Variants in SEMA4G observed in about 807,000 individuals in gnomAD.
SEMA4G encodes semaphorin-4G.
In SEMA4G, 59 loss-of-function variants were observed where a neutral mutation model predicts 81.2. That is an observed-to-expected ratio of 0.73 (90% confidence interval 0.59 to 0.90). The LOEUF is 0.90. Ranked by LOEUF, SEMA4G falls within the 40% of genes least tolerant of loss-of-function variation. SEMA4G has a pLI of 0.00. For synonymous variants in SEMA4G, 404 were observed against 433.9 expected (o/e 0.93, Z 0.86); for missense variants, 952 against 1,102.3 (o/e 0.86, Z 1.93).
chr10:100,973,663 G>A lies in SEMA4G; in HGVS notation c.336+54G>A. ...TTTCCTCCCCTTCTTCCTCAATCAG[G>A]GATGCCAGGATTGTTGGGGACACAG... On this transcript the variant is annotated intron_variant, in intron 3 of 13. Coordinates refer to ENST00000370250, the Ensembl canonical transcript of SEMA4G. The surrounding 1 kb of genome is among the most constrained non-coding windows in gnomAD (Gnocchi z 5.5). 6.5e-7 allele frequency: 1 copy of A among 1,536,758 alleles called. No homozygotes were observed. The highest frequency in any genetic ancestry group is 9.0e-7 in the Non-Finnish European group (1 of 1,115,000).
At chr10:100,975,148 T>C in intron 3 of SEMA4G, 1 of 452,868 alleles carries the variant, frequency 2.2e-6, no homozygotes, top group South Asian at 1.7e-5. Context: ...AGCTGGGAGT[T>C]TGGGTTTTAT....
chr10:100,983,731 G>A (rs1326312908), exon 14 of SEMA4G: 3 of 1,613,444 alleles, frequency 1.9e-6, no homozygotes, highest in South Asian at 2.2e-5. Context: ...GAAGGCAGAC[G>A]AGGGCGCCGA....
At chr10:100,969,925 GT>G (rs1029087061), upstream of SEMA4G, 3 of 455,062 alleles carry the variant, frequency 6.6e-6, no homozygotes, top group African/African-American at 4.0e-5. Flanking sequence ...AGAGACTGAG[GT>G]TAGACCTGAC....
rs748404181 is a variant in SEMA4G at position 100,978,637 on chromosome 10, A to C, written c.640A>C (p.Asn214His). Residue 214 changes from asparagine (N) to histidine (H), a missense_variant, in exon 6 of 14, where the codon AAT becomes CAT. Asn to His is a moderately conservative substitution (Grantham distance 68). This residue lies in a region of SEMA4G where 436 missense variants were observed against 488.2 expected (regional missense o/e 0.89). Transcript: ENST00000370250. The stretch of plus-strand genomic sequence containing the variant: ...TGAGGAGACACCAATGCATTGGCTC[A>C]ATGGTTAGGAGGATGAGGCACAGGA... The C allele has an allele frequency of 3.7e-6, 6 of 1,613,034 alleles. No individual in the cohort carries two copies. The Admixed American group carries it at 6.7e-5, about 18-fold the overall frequency.
chr10:100,983,697 C>T lies in SEMA4G; in HGVS notation c.2083C>T (p.Leu695Phe), dbSNP rs144937502. The change falls in exon 14 of 14, where the codon CTC (leucine) becomes TTC (phenylalanine). Residue 695 changes from leucine to phenylalanine, a missense_variant. Physicochemically the swap from Leu to Phe is conservative, Grantham distance 22. Coordinates refer to ENST00000370250, the Ensembl canonical transcript of SEMA4G. ...CCTCTGCCTCATCCTGGCCTCCTCCCTCCTCTATGTGGCCTGTCTGCGGGA... is the reference window on the plus strand; with the variant it reads ...CCTCTGCCTCATCCTGGCCTCCTCCTTCCTCTATGTGGCCTGTCTGCGGGA... The T allele has an allele frequency of 4.3e-6, 7 of 1,613,496 alleles. No homozygotes were observed. In the African/African-American group the frequency reaches 9.3e-5, roughly 22 times the overall value.
upstream of SEMA4G, among the ~76,000 whole-genome samples, chr10:100,971,710 G>T (rs1850637285): frequency 6.6e-6 from 1 of 152,158 alleles, no homozygotes; most frequent in Non-Finnish European, 1.5e-5. Context: ...TGTTACAGGG[G>T]TTGGGAGAGG....
chr10:100,978,546 C>A, exon 6 of SEMA4G: 1 of 1,614,106 alleles, frequency 6.2e-7, no homozygotes. Flanking sequence ...TCTACACAGC[C>A]ACTAGGTATG....
At chr10:100,970,935 A>T (rs894684951), upstream of SEMA4G, among the ~76,000 whole-genome samples, 1 of 152,222 alleles carries the variant, frequency 6.6e-6, no homozygotes, top group South Asian at 2.1e-4. Context: ...TCTCTCCTCA[A>T]TGTCTGAGGC....
At chr10:100,974,818 T>C (rs1332960542) in intron 3 of SEMA4G, among the ~76,000 whole-genome samples, 1 of 152,018 alleles carries the variant, frequency 6.6e-6, no homozygotes, top group Non-Finnish European at 1.5e-5. Flanking sequence ...TTTTACAAAA[T>C]AAACGGCCCT....
rs763219828 is a variant in SEMA4G, at chr10:100,983,425, G to A, written c.1811G>A (p.Ser604Asn). 4 of 1,613,572 alleles carry A rather than the reference G, an allele frequency of 2.5e-6. No homozygotes were observed. The South Asian group carries it at 3.3e-5, about 13-fold the overall frequency. Reference sequence around the variant, plus strand: ...CTACTCAATGGGAGCATGGGCCTGAGCGATGGGCAGGGTGGCTACCGTGTG... The same window carrying A: ...CTACTCAATGGGAGCATGGGCCTGAACGATGGGCAGGGTGGCTACCGTGTG... Residue 604 changes from serine to asparagine, a missense_variant, in exon 14 of 14, where the codon AGC becomes AAC. Around this residue, in one of 3 missense-constraint regions of SEMA4G, gnomAD observed 385 missense variants for 413.5 expected, o/e 0.93. Transcript: ENST00000370250.
chr10:100,978,248 CCCTG>C (rs1385862368), intron 4 of SEMA4G, 43 bp from the exon 6 acceptor site: 1 of 1,441,940 alleles, frequency 6.9e-7, no homozygotes, highest in South Asian at 1.2e-5. Context: ...GAGCCACTGT[CCCTG>C]CCTGTCTTCG....
At chr10:100,985,050 G>A, downstream of SEMA4G, 2 of 795,300 alleles carry the variant, frequency 2.5e-6, no homozygotes, top group Admixed American at 3.2e-5. Context: ...TTCAGAGGGA[G>A]ATCCCCCTCC....
At chr10:100,981,800 G>A (rs1249978595) in intron 13 of SEMA4G, among the ~76,000 whole-genome samples, 4 of 152,182 alleles carry the variant, frequency 2.6e-5, no homozygotes, top group African/African-American at 7.2e-5. Context: ...GCTCACGCCT[G>A]TAATCCCAGC....
chr10:100,977,712 G>A (rs1850861780), exon 4 of SEMA4G: 1 of 1,613,780 alleles, frequency 6.2e-7, no homozygotes, highest in Admixed American at 1.7e-5. Context: ...ACGCCTTCCA[G>A]CCCCTCTGTG....
chr10:100,978,000 T>C, intron 4 of SEMA4G: 1 of 571,146 alleles, frequency 1.8e-6, no homozygotes. Flanking sequence ...ACAAAGGGCC[T>C]TGATCCCCTG....
chr10:100,973,824 G>A lies in SEMA4G; in HGVS notation c.336+215G>A, dbSNP rs1442514916. Reference sequence around the variant, plus strand: ...GGTCGGATCTCACTCTGTCATCCAGGTTGGAGTACAGTGACATGATCATAG... The same window carrying A: ...GGTCGGATCTCACTCTGTCATCCAGATTGGAGTACAGTGACATGATCATAG... On this transcript the variant is annotated intron_variant, in intron 3 of 13. Coordinates refer to ENST00000370250, the Ensembl canonical transcript of SEMA4G. This position sits in a 1 kb window ranked among gnomAD's most constrained non-coding sequence, Gnocchi z 5.5. Among the ~76,000 whole-genome samples the A allele has an allele frequency of 1.3e-5, 2 of 151,694 alleles. No homozygotes were observed. Among genetic ancestry groups the A allele is most frequent in the Non-Finnish European group, 2.9e-5 (2 of 67,954 alleles).
rs974131731 is a variant in SEMA4G, at chr10:100,984,310, C to G, written c.*179C>G. The G allele has an allele frequency of 5.6e-6, 8 of 1,439,972 alleles. No individual in the cohort carries two copies. The African/African-American group carries it at 8.6e-5, about 15-fold the overall frequency. 89.2% of individuals were successfully genotyped at this position (1,439,972 alleles called of 1,614,324 possible). On this transcript the variant is annotated 3_prime_UTR_variant, in exon 14 of 14. Coordinates refer to ENST00000370250, the Ensembl canonical transcript of SEMA4G. ...CCAGCCAAAGCCCCCTCCTCAGTCT[C>G]CACAGACCCACATGTGAGCAGCCCA...
exon 14 of SEMA4G, chr10:100,984,214 T>TCC (rs1256227888): frequency 6.6e-7 from 1 of 1,504,350 alleles, no homozygotes; most frequent in East Asian, 2.3e-5. Context: ...ACAGCCACCC[T>TCC]CCCTTCATTA....
At chr10:100,980,788 A>T in intron 11 of SEMA4G, 34 bp from the exon 13 acceptor site, 1 of 1,560,446 alleles carries the variant, frequency 6.4e-7, no homozygotes, top group Non-Finnish European at 8.6e-7. Flanking sequence ...ATGAGTGGGG[A>T]CGCTGCCGAC....
Sources: gnomAD v4.1 joint callset for allele counts (sites outside exome capture counted in the v4.1 genomes callset) on GRCh38, gnomAD v4.1.1 for gene constraint, gnomAD v4.1.1 regional missense constraint, Gnocchi (gnomAD v3.1) non-coding constraint, MANE v1.5 for transcripts, NCBI Gene and HGNC (gene_info 2026-07-23, HGNC 2026-07-21) for gene names.